The following WDR70 variants were observed in gnomAD, a reference collection of about 807,000 sequenced individuals.
WDR70 encodes WD repeat-containing protein 70.
A neutral mutation model predicts 88.6 loss-of-function variants in WDR70; 53 were observed. That is an observed-to-expected ratio of 0.60 (90% CI 0.48 to 0.75). WDR70 has a LOEUF of 0.75. Ranked by LOEUF, WDR70 falls within the 30% of genes least tolerant of loss-of-function variation. The pLI is 0.00. For synonymous variants in WDR70, 280 were observed against 270.0 expected (o/e 1.04, Z -0.36); for missense variants, 610 against 823.2 (o/e 0.74, Z 3.17).
At chr5:37,690,441 G>A (rs542662421) in intron 10 of WDR70, among the ~76,000 whole-genome samples, 58 of 152,290 alleles carry the variant, frequency 3.8e-4, no homozygotes, top group African/African-American at 1.4e-3. Flanking sequence ...AGGAAAAAAT[G>A]TTAAGGGCAG....
At chr5:37,445,061 G>C (rs1285690025) in intron 7 of WDR70, among the ~76,000 whole-genome samples, 2 of 152,196 alleles carry the variant, frequency 1.3e-5, no homozygotes, top group Non-Finnish European at 2.9e-5. Context: ...CCTGGGCTTT[G>C]GGGACTCCTG....
chr5:37,436,985 T>A (rs1164373164), intron 5 of WDR70, among the ~76,000 whole-genome samples: 1 of 152,134 alleles, frequency 6.6e-6, no homozygotes, highest in Non-Finnish European at 1.5e-5. Context: ...CAATGAAACC[T>A]CTGATTTAAA....
chr5:37,733,980 A>G (rs1274676972), intron 17 of WDR70, among the ~76,000 whole-genome samples: 2 of 152,042 alleles, frequency 1.3e-5, no homozygotes, highest in Non-Finnish European at 2.9e-5. Flanking sequence ...AATACTGTGC[A>G]GCTACATATA....
chr5:37,717,241 T>C (rs1373083324), intron 13 of WDR70, among the ~76,000 whole-genome samples: 2 of 152,234 alleles, frequency 1.3e-5, no homozygotes, highest in African/African-American at 4.8e-5. Context: ...TAGATTAGTG[T>C]AAGAATAAAA....
At chr5:37,382,405 TTTTTGTTTTG>T (rs1298249428) in intron 3 of WDR70, among the ~76,000 whole-genome samples, 1 of 151,574 alleles carries the variant, frequency 6.6e-6, no homozygotes, top group Non-Finnish European at 1.5e-5. Context: ...GCTTTTTGTT[TTTTTGTTTTG>T]TTTTGTTTTG....
At chr5:37,504,476 C>A (rs1488297101) in intron 8 of WDR70, among the ~76,000 whole-genome samples, 2 of 152,210 alleles carry the variant, frequency 1.3e-5, no homozygotes, top group African/African-American at 2.4e-5. Flanking sequence ...TACAGAGGTA[C>A]CTTCAAGTGA....
At chr5:37,394,416 T>G (rs898757783) in intron 4 of WDR70, among the ~76,000 whole-genome samples, 1 of 152,240 alleles carries the variant, frequency 6.6e-6, no homozygotes, top group South Asian at 2.1e-4. Context: ...TATTACTTAC[T>G]GAGCATCTAC....
At chr5:37,672,848 A>G (rs1265679763) in intron 10 of WDR70, among the ~76,000 whole-genome samples, 1 of 152,030 alleles carries the variant, frequency 6.6e-6, no homozygotes, top group Non-Finnish European at 1.5e-5. Context: ...GTCCCACCTG[A>G]TGGGAAATAC....
At chr5:37,563,505 G>C (rs1162673846) in intron 9 of WDR70, among the ~76,000 whole-genome samples, 2 of 58,866 alleles carry the variant, frequency 3.4e-5, no homozygotes, top group East Asian at 4.4e-4. Flanking sequence ...AGGGGCGGCC[G>C]GGCAGAGGCG....
rs559502042 is a variant in WDR70, at chr5:37,389,117, G to A, written c.176-2883G>A. ...TTTTTTTTTTTTTTTCGTGGAGATGGAGTCTCACTCTGTGGCCCAGGCTGG... is the reference window on the plus strand; with the variant it reads ...TTTTTTTTTTTTTTTCGTGGAGATGAAGTCTCACTCTGTGGCCCAGGCTGG... On this transcript the variant is annotated intron_variant, in intron 3 of 17. Transcript: ENST00000265107. Among the ~76,000 whole-genome samples the A allele has an allele frequency of 4.7e-5, 7 of 149,680 alleles. No homozygotes were observed. The South Asian group carries it at 1.5e-3, about 32-fold the overall frequency.
intron 4 of WDR70, among the ~76,000 whole-genome samples, chr5:37,393,974 G>A (rs900071718): frequency 5.3e-5 from 8 of 152,024 alleles, no homozygotes; most frequent in African/African-American, 1.4e-4. Context: ...GAACCACTGC[G>A]CCTGGCCTGA....
At chr5:37,726,464 A>G (rs1747972138) in intron 16 of WDR70, among the ~76,000 whole-genome samples, 1 of 152,176 alleles carries the variant, frequency 6.6e-6, no homozygotes. Context: ...GTTTTCTCTT[A>G]TAATACTCAG....
At position 37,425,571 on chromosome 5, in the gene WDR70, AC is replaced by A. The variant is rs918714281; in HGVS notation, c.493-12350del. On this transcript the variant is annotated intron_variant, in intron 5 of 17. Transcript: ENST00000265107. ...GGTGAGTATGGCTGGAACAGAATGA[AC>A]AAGAGGGAGAGAAGGAGGAGATGAC... Among the ~76,000 whole-genome samples, 61 of 152,226 alleles carry A rather than the reference AC, an allele frequency of 4.0e-4. 2 individuals carry two copies. The highest frequency in any genetic ancestry group is 2.2e-3 in the Admixed American group (34 of 15,278).
intron 10 of WDR70, among the ~76,000 whole-genome samples, chr5:37,654,604 T>C (rs1745499710): frequency 6.6e-6 from 1 of 152,240 alleles, no homozygotes; most frequent in African/African-American, 2.4e-5. Context: ...CTCTAAGAAC[T>C]TGCTTTATGA....
chr5:37,419,838 T>C (rs1216879280), intron 5 of WDR70, among the ~76,000 whole-genome samples: 1 of 152,070 alleles, frequency 6.6e-6, no homozygotes, highest in Non-Finnish European at 1.5e-5. Flanking sequence ...AGTGCAATTA[T>C]ATTTTTCGCT....
intron 5 of WDR70, among the ~76,000 whole-genome samples, 189 bp from the exon 6 acceptor site, chr5:37,437,733 A>G (rs1561851873): frequency 6.6e-6 from 1 of 152,278 alleles, no homozygotes; most frequent in East Asian, 1.9e-4. Flanking sequence ...TTATCATCAG[A>G]GACCCATTGT....
rs900228671 is a variant in WDR70 at position 37,727,157 on chromosome 5, A to G, written c.1877+112A>G. ...TCTCTATTTCTTATTTCATACTTAG[A>G]TATGAAAAATAGGCCAGGTACTCAT... On this transcript the variant is annotated intron_variant, in intron 17 of 17. Coordinates refer to ENST00000265107, the MANE Select transcript of WDR70 (RefSeq NM_018034.4). 9 of 1,304,168 alleles carry G rather than the reference A, an allele frequency of 6.9e-6. No homozygotes were observed. The African/African-American group carries it at 9.1e-5, about 13-fold the overall frequency. 80.8% of individuals were successfully genotyped at this position (1,304,168 alleles called of 1,614,324 possible).
chr5:37,592,975 A>G (rs181370572), intron 9 of WDR70, among the ~76,000 whole-genome samples: 18 of 152,300 alleles, frequency 1.2e-4, no homozygotes, highest in Admixed American at 5.9e-4. Context: ...GGTAACATAT[A>G]GTGAGACCTT....
At chr5:37,516,644 T>A in intron 9 of WDR70, 54 bp downstream of exon 9, 1 of 1,279,758 alleles carries the variant, frequency 7.8e-7, no homozygotes, top group Non-Finnish European at 1.1e-6. Context: ...GTATTTTATT[T>A]AACGTTTGGA....
Sources: allele counts gnomAD v4.1 joint callset (sites outside exome capture counted in the v4.1 genomes callset), GRCh38; gene constraint gnomAD v4.1.1; transcripts MANE v1.5; gene names NCBI Gene and HGNC (gene_info 2026-07-23, HGNC 2026-07-21).